Variants in CTNNA3 observed in about 807,000 individuals in gnomAD.
CTNNA3 encodes the protein catenin alpha 3, also known as catenin alpha-3.
A neutral mutation model predicts 95.7 loss-of-function variants in CTNNA3; 76 were observed. That is an observed-to-expected ratio of 0.79 (90% CI 0.66 to 0.96). The LOEUF (loss-of-function observed/expected upper bound fraction) is 0.96. Among genes scored for constraint, CTNNA3 ranks in the 40% least tolerant of loss-of-function variants. The probability of loss-of-function intolerance (pLI) is 0.00; values close to 1 mark genes in which losing one functional copy is unlikely to be tolerated. For missense variants in CTNNA3, 1,191 were observed against 1,089.8 expected, an observed-to-expected ratio of 1.09 and a Z score of -1.31; for synonymous variants, 431 against 374.4, an observed-to-expected ratio of 1.15 and a Z score of -1.74.
intron 9 of CTNNA3, among the ~76,000 whole-genome samples, chr10:66,712,968 T>A (rs2132611716): frequency 6.6e-6 from 1 of 152,240 alleles, no homozygotes; most frequent in Middle Eastern, 3.4e-3. Context: ...AGGTAGTGTC[T>A]CTGGTAGTTC....
intron 12 of CTNNA3, among the ~76,000 whole-genome samples, chr10:66,339,028 A>T (rs538327514): frequency 5.3e-5 from 8 of 151,994 alleles, no homozygotes; most frequent in African/African-American, 1.9e-4. Context: ...GATGTTACCA[A>T]TGAGATTGTG....
chr10:67,130,399 T>A (rs1335184244), intron 7 of CTNNA3, among the ~76,000 whole-genome samples: 2 of 152,116 alleles, frequency 1.3e-5, no homozygotes, highest in Non-Finnish European at 2.9e-5. Flanking sequence ...ACTTTTGCTA[T>A]CTCAAAAGGT....
At chr10:66,767,211 G>T (rs1026275839) in intron 8 of CTNNA3, among the ~76,000 whole-genome samples, 3 of 151,916 alleles carry the variant, frequency 2.0e-5, no homozygotes, top group Non-Finnish European at 4.4e-5. Flanking sequence ...ACTTTGGGAG[G>T]CCAAGGCAGG....
chr10:65,964,645 C>A (rs1282946993), intron 17 of CTNNA3, among the ~76,000 whole-genome samples: 3 of 152,182 alleles, frequency 2.0e-5, no homozygotes, highest in African/African-American at 7.2e-5. Context: ...TAGCGTCATA[C>A]AACATGAAAC....
intron 3 of CTNNA3, among the ~76,000 whole-genome samples, chr10:67,603,062 A>G (rs1336933403): frequency 6.6e-6 from 1 of 152,212 alleles, no homozygotes; most frequent in Non-Finnish European, 1.5e-5. Context: ...ATGATTTACT[A>G]AACAAGTACA....
intron 1 of CTNNA3, among the ~76,000 whole-genome samples, chr10:67,681,338 A>G (rs1400697451): frequency 6.6e-6 from 1 of 152,196 alleles, no homozygotes; most frequent in Middle Eastern, 3.2e-3. Flanking sequence ...AAATATTAAT[A>G]GAACAGGAAA....
intron 10 of CTNNA3, among the ~76,000 whole-genome samples, chr10:66,614,203 T>C (rs1844429902): frequency 1.3e-5 from 2 of 152,202 alleles, no homozygotes; most frequent in Middle Eastern, 3.4e-3. Context: ...CAAAGTGTCA[T>C]ACTGGGACTT....
intron 13 of CTNNA3, among the ~76,000 whole-genome samples, chr10:66,210,835 T>C (rs2088103855): frequency 6.6e-6 from 1 of 152,236 alleles, no homozygotes; most frequent in Non-Finnish European, 1.5e-5. Flanking sequence ...CGTGATCTAC[T>C]GAAAATGATA....
intron 9 of CTNNA3, among the ~76,000 whole-genome samples, chr10:66,626,591 T>C (rs1453571081): frequency 1.3e-5 from 2 of 152,158 alleles, no homozygotes; most frequent in Non-Finnish European, 2.9e-5. Context: ...AGTTCTTCTT[T>C]ATAAGGAGAT....
intron 5 of CTNNA3, among the ~76,000 whole-genome samples, chr10:67,391,747 G>A (rs1305100028): frequency 4.7e-5 from 7 of 149,108 alleles, no homozygotes; most frequent in African/African-American, 1.3e-4. Flanking sequence ...CAGAAATAAC[G>A]CCGCATATCT....
chr10:67,360,053 G>A lies in CTNNA3; in HGVS notation c.580-140183C>T, dbSNP rs77825225. On this transcript the variant is annotated intron_variant, in intron 5 of 17. Transcript: ENST00000433211. ...AAGAAAAAATTGGGAGCCTATTTTT[G>A]GCATCCCTAAAGAAATGAAATTCCA... is the stretch of plus-strand genomic sequence containing the variant. Among the ~76,000 whole-genome samples, 33 of 152,048 alleles carry A rather than the reference G, an allele frequency of 2.2e-4. No homozygotes were observed. The East Asian group carries it at 3.3e-3, about 15-fold the overall frequency.
intron 7 of CTNNA3, among the ~76,000 whole-genome samples, chr10:66,998,563 G>A (rs78518419): frequency 0.029 from 4,432 of 151,962 alleles, 116 homozygotes; most frequent in Non-Finnish European, 0.038. Context: ...GAATGACAAT[G>A]AACAGAAGAA....
At chr10:66,357,293 T>C (rs1293539871) in intron 12 of CTNNA3, among the ~76,000 whole-genome samples, 2 of 152,120 alleles carry the variant, frequency 1.3e-5, no homozygotes, top group Non-Finnish European at 2.9e-5. Flanking sequence ...TAGAGGACAT[T>C]CAATATGTCT....
At chr10:66,945,282 C>G (rs1209743038) in intron 7 of CTNNA3, among the ~76,000 whole-genome samples, 1 of 152,198 alleles carries the variant, frequency 6.6e-6, no homozygotes, top group Non-Finnish European at 1.5e-5. Context: ...CTTGTTGCAG[C>G]TTTTACATCA....
At chr10:67,136,593 A>C (rs1860318563) in intron 7 of CTNNA3, among the ~76,000 whole-genome samples, 1 of 152,112 alleles carries the variant, frequency 6.6e-6, no homozygotes, top group Non-Finnish European at 1.5e-5. Context: ...AGAAGTTTGC[A>C]TTTTCTATCT....
intron 13 of CTNNA3, among the ~76,000 whole-genome samples, chr10:66,106,721 T>A (rs1227990692): frequency 6.6e-6 from 1 of 152,150 alleles, no homozygotes; most frequent in Non-Finnish European, 1.5e-5. Context: ...AATATACACC[T>A]TTATATTTTT....
At chr10:67,231,609 G>T (rs1005859436) in intron 5 of CTNNA3, among the ~76,000 whole-genome samples, 37 of 152,154 alleles carry the variant, frequency 2.4e-4, no homozygotes, top group African/African-American at 8.9e-4. Flanking sequence ...ACTCTAAAAA[G>T]CAGAGCACCT....
At chr10:67,405,549 G>A (rs1290956252) in intron 5 of CTNNA3, among the ~76,000 whole-genome samples, 1 of 152,176 alleles carries the variant, frequency 6.6e-6, no homozygotes, top group South Asian at 2.1e-4. Context: ...CATAAAGCAA[G>A]TTCTTAGAGA....
At chr10:65,951,702 G>T (rs2077616908) in intron 17 of CTNNA3, among the ~76,000 whole-genome samples, 1 of 151,814 alleles carries the variant, frequency 6.6e-6, no homozygotes, top group Non-Finnish European at 1.5e-5. Context: ...TAGCAATGAA[G>T]TAAAGAACAT....
Sources: gnomAD v4.1 joint callset for allele counts (sites outside exome capture counted in the v4.1 genomes callset) on GRCh38, gnomAD v4.1.1 for gene constraint, MANE v1.5 for transcripts, NCBI Gene and HGNC (gene_info 2026-07-23, HGNC 2026-07-21) for gene names.